Variants in PACSIN1 observed in about 807,000 individuals in gnomAD.
PACSIN1 encodes protein kinase C and casein kinase substrate in neurons protein 1.
In PACSIN1, 15 loss-of-function variants were observed where a neutral mutation model predicts 59.5. The ratio of observed to expected loss-of-function variants is 0.25; its 90% confidence interval spans 0.17 to 0.39. The LOEUF is 0.39. Among genes scored for constraint, PACSIN1 ranks in the 10% least tolerant of loss-of-function variants. PACSIN1 has a pLI of 1.00. For synonymous variants in PACSIN1, 210 were observed against 220.6 expected (o/e 0.95, Z 0.42); for missense variants, 420 against 580.2 (o/e 0.72, Z 2.84).
intron 1 of PACSIN1, among the ~76,000 whole-genome samples, chr6:34,508,800 C>T (rs1561964658): frequency 6.6e-6 from 1 of 152,042 alleles, no homozygotes; most frequent in Non-Finnish European, 1.5e-5. Flanking sequence ...TTTAATATAC[C>T]AGTTGTTCAT....
intron 1 of PACSIN1, among the ~76,000 whole-genome samples, chr6:34,497,405 G>A (rs1766963624): frequency 6.6e-6 from 1 of 152,284 alleles, no homozygotes; most frequent in African/African-American, 2.4e-5. Context: ...GGTAGGTGCT[G>A]CTATCATCCG....
Position 34,516,405 on chromosome 6 carries a change from G to A in PACSIN1, c.-63-9838G>A, listed in dbSNP as rs570353075. On this transcript the variant is annotated intron_variant, in intron 1 of 9. Coordinates refer to ENST00000244458, the MANE Select transcript of PACSIN1 (RefSeq NM_020804.5). The surrounding 1 kb of genome is among the most constrained non-coding windows in gnomAD (Gnocchi z 5.4). Reference sequence around the variant, plus strand: ...CAGGTCTCGGGGATGGCAGAAACGGGATGCAGATTCGCCTGTGCGCACTGA... The same window carrying A: ...CAGGTCTCGGGGATGGCAGAAACGGAATGCAGATTCGCCTGTGCGCACTGA... Among the ~76,000 whole-genome samples, 11 of 152,308 alleles carry A rather than the reference G, an allele frequency of 7.2e-5. No homozygotes were observed. Among genetic ancestry groups the A allele is most frequent in the Non-Finnish European group, 1.6e-4 (11 of 68,008 alleles).
At position 34,473,060 on chromosome 6, in the gene PACSIN1, A is replaced by C. The variant is rs577970365; in HGVS notation, c.-64+6790A>C. ...CACAGCCATGCAGTCTGGCTCCAGA[A>C]GCTGTGCTTGTGAGCCTCTCTGCCT... is the stretch of plus-strand genomic sequence containing the variant. On this transcript the variant is annotated intron_variant, in intron 1 of 9. Coordinates refer to ENST00000244458, the MANE Select transcript of PACSIN1 (RefSeq NM_020804.5). Among the ~76,000 whole-genome samples, 423 of 152,224 alleles carry C rather than the reference A, an allele frequency of 2.8e-3. 4 individuals are homozygous for C. Among genetic ancestry groups the C allele is most frequent in the African/African-American group, 9.6e-3 (399 of 41,534 alleles).
chr6:34,528,902 CGGGGT>C, intron 4 of PACSIN1, 25 bp downstream of exon 4: 1 of 268,076 alleles, frequency 3.7e-6, no homozygotes, highest in Non-Finnish European at 7.3e-6. Context: ...CTGCCACGGG[CGGGGT>C]GGGGTGGGCC....
intron 1 of PACSIN1, among the ~76,000 whole-genome samples, chr6:34,504,976 C>T (rs1317491879): frequency 2.6e-5 from 4 of 151,336 alleles, no homozygotes; most frequent in African/African-American, 9.7e-5. Flanking sequence ...TTGTTTTTCC[C>T]TGTTATTATT....
At position 34,514,227 on chromosome 6, in the gene PACSIN1, T is replaced by C. The variant is rs2127265554; in HGVS notation, c.-63-12016T>C. ...CACCCATGTGTGCGCTTGAGTGGTG[T>C]GTGGCAGCCATGGCCTGTGGGAGAA... On this transcript the variant is annotated intron_variant, in intron 1 of 9. Transcript: ENST00000244458. This position sits in a 1 kb window ranked among gnomAD's most constrained non-coding sequence, Gnocchi z 4.4. Among the ~76,000 whole-genome samples, 1 of 151,964 alleles carries C rather than the reference T, an allele frequency of 6.6e-6. No individual in the cohort carries two copies. The highest frequency in any genetic ancestry group is 1.9e-4 in the East Asian group (1 of 5,134).
Position 34,528,648 on chromosome 6 carries a change from A to G in PACSIN1, c.227A>G (p.Gln76Arg), listed in dbSNP as rs1767531368. 2 of 1,613,416 alleles carry G rather than the reference A, an allele frequency of 1.2e-6. No homozygotes were observed. The highest frequency in any genetic ancestry group is 1.7e-5 in the Admixed American group (1 of 60,018). ...CCTATTGCCATTCCCTCAGGCCCAC[A>G]GTATGGCAGCCTGGAGCGGGCCTGG... is the stretch of plus-strand genomic sequence containing the variant. ...RWRQLIEKGP[Q>R]YGSLERAWGA... is the part of the protein sequence containing the mutation. The change falls in exon 4 of 10, where the codon CAG becomes CGG. Residue 76 changes from glutamine (Q) to arginine (R), a missense_variant. Physicochemically the swap from Gln to Arg is conservative, Grantham distance 43. Transcript: ENST00000244458.
intron 1 of PACSIN1, among the ~76,000 whole-genome samples, chr6:34,505,294 G>C (rs1383912148): frequency 1.3e-5 from 2 of 151,988 alleles, no homozygotes; most frequent in Non-Finnish European, 2.9e-5. Context: ...TCAAGAGTTT[G>C]ACCATGATGT....
intron 1 of PACSIN1, among the ~76,000 whole-genome samples, chr6:34,469,667 G>A (rs780494908): frequency 2.6e-5 from 4 of 152,230 alleles, no homozygotes; most frequent in Non-Finnish European, 5.9e-5. Context: ...ACAGGGTTTG[G>A]GTGTGCCTTC....
At chr6:34,507,036 G>A (rs1767126713) in intron 1 of PACSIN1, among the ~76,000 whole-genome samples, 2 of 152,172 alleles carry the variant, frequency 1.3e-5, no homozygotes, top group Non-Finnish European at 2.9e-5. Flanking sequence ...CAGTAGGGAC[G>A]TCATTGTTTT....
chr6:34,493,541 T>C (rs1328277936), intron 1 of PACSIN1, among the ~76,000 whole-genome samples: 1 of 152,156 alleles, frequency 6.6e-6, no homozygotes, highest in Non-Finnish European at 1.5e-5. Flanking sequence ...TGTTTGAGAG[T>C]TGTGATTACT....
rs372090978 is a variant in PACSIN1 at position 34,466,774 on chromosome 6, G to C, written c.-64+504G>C. ...CCACAGCTGGGATGGGAGCGGGGAG[G>C]GGGGAGGAGGCAAGAAGGAGGCGAT... On this transcript the variant is annotated intron_variant, in intron 1 of 9. Coordinates refer to ENST00000244458, the MANE Select transcript of PACSIN1 (RefSeq NM_020804.5). Among the ~76,000 whole-genome samples the C allele has an allele frequency of 5.9e-5, 9 of 152,288 alleles. No homozygotes were observed. The East Asian group carries it at 7.7e-4, about 13-fold the overall frequency.
chr6:34,506,616 C>T (rs1246269070), intron 1 of PACSIN1, among the ~76,000 whole-genome samples: 1 of 152,194 alleles, frequency 6.6e-6, no homozygotes, highest in Admixed American at 6.5e-5. Context: ...TAACCCTGGG[C>T]CTTATTAATG....
intron 1 of PACSIN1, among the ~76,000 whole-genome samples, chr6:34,482,691 T>C (rs1233062800): frequency 1.3e-5 from 2 of 151,788 alleles, no homozygotes; most frequent in African/African-American, 4.8e-5. Flanking sequence ...TTTGTTTTTT[T>C]TTTTTTGAGA....
At chr6:34,475,068 C>T (rs967505481) in intron 1 of PACSIN1, among the ~76,000 whole-genome samples, 16 of 152,192 alleles carry the variant, frequency 1.1e-4, no homozygotes, top group African/African-American at 3.6e-4. Context: ...AAACAGCCCT[C>T]GTTGTCCCCC....
intron 2 of PACSIN1, 24 bp from the exon 3 acceptor site, chr6:34,527,308 T>G (rs568060888): frequency 6.7e-7 from 1 of 1,500,714 alleles, no homozygotes; most frequent in Non-Finnish European, 8.9e-7. Context: ...CCCGCGGGAG[T>G]GGTGCTCGCT....
Position 34,531,470 on chromosome 6 carries a change from CT to C in PACSIN1, c.1038-129del. On this transcript the variant is annotated intron_variant, in intron 8 of 9. Coordinates refer to ENST00000244458, the MANE Select transcript of PACSIN1 (RefSeq NM_020804.5). This position sits in a 1 kb window ranked among gnomAD's most constrained non-coding sequence, Gnocchi z 4.4. ...TTTAAAGAGCTCATGAGGGTCACCC[CT>C]CCTATGTGGCCAATCCTTGCTCTAG... 1.1e-6 allele frequency: 1 copy of C among 871,576 alleles called. No individual in the cohort carries two copies. Among genetic ancestry groups the C allele is most frequent in the Non-Finnish European group, 1.8e-6 (1 of 547,906 alleles). The allele number at this position is 871,576 out of a possible 1,614,324, so 54.0% of individuals were successfully genotyped here.
At position 34,484,494 on chromosome 6, in the gene PACSIN1, C is replaced by G. The variant is rs1766763975; in HGVS notation, c.-64+18224C>G. On this transcript the variant is annotated intron_variant, in intron 1 of 9. Coordinates refer to ENST00000244458, the MANE Select transcript of PACSIN1 (RefSeq NM_020804.5). ...TAGAAAGCACAGAGGATTTTTAGGG[C>G]AGGCAACTTTTCTGTATGATACTAT... Among the ~76,000 whole-genome samples the G allele has an allele frequency of 2.0e-5, 3 of 152,206 alleles. No individual in the cohort carries two copies. The South Asian group carries it at 6.2e-4, about 32-fold the overall frequency.
chr6:34,528,718 G>A lies in PACSIN1; in HGVS notation c.297G>A (p.Gln99=), dbSNP rs755207353. The part of the protein sequence containing the change: ...TEADKVSELH[Q]EVKNNLLNED... ...CAGACAAGGTGAGCGAGCTGCACCA[G>A]GAGGTGAAGAACAATCTGCTGAATG... The change falls in exon 4 of 10, where the codon CAG becomes CAA. Residue 99 remains glutamine (Q), a synonymous_variant. Coordinates refer to ENST00000244458, the MANE Select transcript of PACSIN1 (RefSeq NM_020804.5). 6.2e-7 allele frequency: 1 copy of A among 1,614,146 alleles called. No individual in the cohort carries two copies.
Sources: gnomAD v4.1 joint callset for allele counts (sites outside exome capture counted in the v4.1 genomes callset) on GRCh38, gnomAD v4.1.1 for gene constraint, Gnocchi (gnomAD v3.1) non-coding constraint, MANE v1.5 for transcripts, NCBI Gene and HGNC (gene_info 2026-07-23, HGNC 2026-07-21) for gene names.